The following ARL15 variants were observed in gnomAD, a reference collection of about 807,000 sequenced individuals.
ARL15 encodes the protein ADP-ribosylation factor-like protein 15.
Under a neutral mutation model 25.2 loss-of-function variants are expected in ARL15, and 19 were observed. That is an observed-to-expected ratio of 0.75 (90% CI 0.53 to 1.10). ARL15 has a LOEUF of 1.10. Among genes scored for constraint, ARL15 ranks in the 50% least tolerant of loss-of-function variants. ARL15 has a pLI of 0.00. For synonymous variants in ARL15, 94 were observed against 86.8 expected (o/e 1.08, Z -0.46); for missense variants, 220 against 246.0 (o/e 0.89, Z 0.71).
intron 4 of ARL15, among the ~76,000 whole-genome samples, chr5:53,926,331 C>T (rs1746021971): frequency 6.6e-6 from 1 of 151,878 alleles, no homozygotes; most frequent in Non-Finnish European, 1.5e-5. Flanking sequence ...CAGGGGCTGC[C>T]CAGTGGAATC....
intron 3 of ARL15, among the ~76,000 whole-genome samples, chr5:54,152,262 C>G (rs1399825989): frequency 6.6e-6 from 1 of 152,152 alleles, no homozygotes; most frequent in Non-Finnish European, 1.5e-5. Flanking sequence ...CATAATTCCC[C>G]CTAAGTGCAC....
In ARL15 at chr5:54,201,455, G is replaced by T. The variant is rs187001685; in HGVS notation, c.49-29527C>A. Among the ~76,000 whole-genome samples the T allele has an allele frequency of 5.3e-5, 8 of 152,158 alleles. No homozygotes were observed. The East Asian group carries it at 1.5e-3, about 29-fold the overall frequency. ...CTTTGTGAAATCCCATTTTAGCAAA[G>T]AGCCTGGCTAAGTCAGTTCAGCAAG... On this transcript the variant is annotated intron_variant, in intron 1 of 4. Coordinates refer to ENST00000504924, the MANE Select transcript of ARL15 (RefSeq NM_019087.3).
At chr5:54,036,775 G>A (rs1750180721) in intron 4 of ARL15, among the ~76,000 whole-genome samples, 1 of 151,990 alleles carries the variant, frequency 6.6e-6, no homozygotes, top group African/African-American at 2.4e-5. Context: ...TTTGTCATGA[G>A]AAATTTGAGC....
chr5:54,071,169 CAAA>C (rs71598898), intron 4 of ARL15, among the ~76,000 whole-genome samples: 12 of 137,878 alleles, frequency 8.7e-5, no homozygotes, highest in African/African-American at 2.6e-4. Flanking sequence ...GACCCTGTCT[CAAA>C]AAAAAAAAAA....
intron 4 of ARL15, among the ~76,000 whole-genome samples, chr5:53,975,301 T>C (rs2112196073): frequency 6.6e-6 from 1 of 152,302 alleles, no homozygotes; most frequent in East Asian, 1.9e-4. Flanking sequence ...ACACCTCCAG[T>C]CACAGCAAGC....
chr5:54,029,333 TACC>T (rs34152775), intron 4 of ARL15, among the ~76,000 whole-genome samples: 15,492 of 94,306 alleles, frequency 0.16, 1,522 homozygotes, highest in African/African-American at 0.32. Flanking sequence ...CCACCACCAC[TACC>T]ACCACCACCA....
intron 4 of ARL15, among the ~76,000 whole-genome samples, chr5:53,903,372 GT>G (rs759305349): frequency 3.5e-4 from 54 of 152,232 alleles, no homozygotes; most frequent in Non-Finnish European, 4.1e-4. Flanking sequence ...TTTGGGGATT[GT>G]TTTGGTTGTC....
chr5:54,284,102 C>A (rs896481064), intron 1 of ARL15, among the ~76,000 whole-genome samples: 3 of 152,084 alleles, frequency 2.0e-5, no homozygotes, highest in African/African-American at 7.2e-5. Context: ...TAGAAATCAA[C>A]CTGTAACTTT....
chr5:54,167,814 AC>A (rs1754617165), intron 2 of ARL15, among the ~76,000 whole-genome samples: 1 of 152,078 alleles, frequency 6.6e-6, no homozygotes, highest in African/African-American at 2.4e-5. Context: ...ACGATGGTCT[AC>A]CCCTCAATTC....
At chr5:54,151,506 T>G (rs892177166) in intron 3 of ARL15, among the ~76,000 whole-genome samples, 1 of 152,100 alleles carries the variant, frequency 6.6e-6, no homozygotes, top group Non-Finnish European at 1.5e-5. Flanking sequence ...CATAATTAAT[T>G]GTGGTAAAAT....
chr5:54,224,794 CCA>C, intron 1 of ARL15, among the ~76,000 whole-genome samples: 1 of 152,102 alleles, frequency 6.6e-6, no homozygotes, highest in Non-Finnish European at 1.5e-5. Context: ...CTTTTAAAAG[CCA>C]ATGTTTTAAA....
At chr5:54,029,650 G>T (rs1749909122) in intron 4 of ARL15, among the ~76,000 whole-genome samples, 1 of 152,102 alleles carries the variant, frequency 6.6e-6, no homozygotes, top group Non-Finnish European at 1.5e-5. Flanking sequence ...CTTGAGGCCA[G>T]CAGTTTGAGA....
intron 4 of ARL15, among the ~76,000 whole-genome samples, chr5:53,923,701 A>C (rs959513307): frequency 6.6e-6 from 1 of 152,294 alleles, no homozygotes; most frequent in Admixed American, 6.5e-5. Flanking sequence ...ATACATTTTT[A>C]AAAACCTGAT....
chr5:53,994,612 T>C (rs1246959054), intron 4 of ARL15, among the ~76,000 whole-genome samples: 3 of 152,184 alleles, frequency 2.0e-5, no homozygotes, highest in Non-Finnish European at 2.9e-5. Context: ...AAAATGAAAT[T>C]GTATTTTCTT....
At chr5:53,962,567 C>T (rs697114) in intron 4 of ARL15, among the ~76,000 whole-genome samples, 111,727 of 151,956 alleles carry the variant, frequency 0.74, 41,155 homozygotes, top group Middle Eastern at 0.87. Context: ...GCTTGTAAAA[C>T]CTCAAAACCA....
intron 4 of ARL15, among the ~76,000 whole-genome samples, chr5:53,944,414 C>T (rs1219788641): frequency 6.6e-6 from 1 of 152,000 alleles, no homozygotes; most frequent in Non-Finnish European, 1.5e-5. Context: ...AGTTTGAGAC[C>T]ATCCTGGGCA....
At chr5:54,231,920 T>C (rs1452430445) in intron 1 of ARL15, among the ~76,000 whole-genome samples, 1 of 152,128 alleles carries the variant, frequency 6.6e-6, no homozygotes, top group African/African-American at 2.4e-5. Context: ...CCTCAACATA[T>C]GAACTTGGGG....
intron 1 of ARL15, among the ~76,000 whole-genome samples, chr5:54,206,969 G>A (rs957138582): frequency 5.3e-5 from 8 of 152,198 alleles, no homozygotes; most frequent in African/African-American, 1.4e-4. Context: ...GGAAAGGCTC[G>A]TCTAGTCCAA....
chr5:54,295,768 C>CG (rs1758449692), intron 1 of ARL15, among the ~76,000 whole-genome samples: 1 of 152,168 alleles, frequency 6.6e-6, no homozygotes, highest in African/African-American at 2.4e-5. Context: ...TGACCAAGAA[C>CG]GGCAACATTA....
Sources: gnomAD v4.1 joint callset for allele counts (sites outside exome capture counted in the v4.1 genomes callset) on GRCh38, gnomAD v4.1.1 for gene constraint, MANE v1.5 for transcripts, NCBI Gene and HGNC (gene_info 2026-07-23, HGNC 2026-07-21) for gene names.